Variants in EPHX4 observed in about 807,000 individuals in gnomAD.
EPHX4 encodes abhydrolase domain containing 7.
EPHX4 carries 31 observed loss-of-function variants against 44.9 expected under a neutral mutation model. That is an observed-to-expected ratio of 0.69 (90% CI 0.52 to 0.93). EPHX4 has a LOEUF of 0.93. EPHX4 is among the 40% of genes least tolerant of loss of function. The pLI, the probability that EPHX4 is intolerant of heterozygous loss-of-function variation, is 0.00. For missense variants in EPHX4, 373 were observed against 438.1 expected (o/e 0.85, Z 1.33); for synonymous variants, 151 against 159.7 (o/e 0.95, Z 0.41).
intron 4 of EPHX4, among the ~76,000 whole-genome samples, chr1:92,049,660 CT>C (rs1377235551): frequency 6.6e-6 from 1 of 152,152 alleles, no homozygotes. Context: ...TAAGGAAAAT[CT>C]TTTAAACAAC....
chr1:92,032,649 A>G, intron 2 of EPHX4, 59 bp downstream of exon 2: 2 of 1,343,306 alleles, frequency 1.5e-6, no homozygotes, highest in South Asian at 2.3e-5. Flanking sequence ...TTCTCAGTTC[A>G]TTTTGTGCTG....
At chr1:92,058,881 C>G (rs1424956587) in intron 6 of EPHX4, among the ~76,000 whole-genome samples, 1 of 152,096 alleles carries the variant, frequency 6.6e-6, no homozygotes, top group East Asian at 1.9e-4. Context: ...CCATGGGAAA[C>G]TTTGGAGGGC....
In EPHX4 at chr1:92,057,604, TG is replaced by T. The variant is rs760740503; in HGVS notation, c.857+4947del. On this transcript the variant is annotated intron_variant, in intron 6 of 6. Transcript: ENST00000370383. Reference sequence around the variant, plus strand: ...GCCTAGATGGTTTTACAGGTAAGTTTGTTTTTTTTTTTTGAGACGGAGTCTT... The same window carrying T: ...GCCTAGATGGTTTTACAGGTAAGTTTTTTTTTTTTTTTGAGACGGAGTCTT... Among the ~76,000 whole-genome samples the T allele has an allele frequency of 1.1e-3, 156 of 148,104 alleles. 1 individual carries two copies. The highest frequency in any genetic ancestry group is 1.8e-3 in the Non-Finnish European group (120 of 67,940).
Position 92,030,100 on chromosome 1 carries a change from C to T in EPHX4, c.21C>T (p.Cys7=), listed in dbSNP as rs1357714502. Residue 7 remains cysteine (C), a synonymous_variant, in exon 1 of 7, where the codon TGC becomes TGT. Coordinates refer to ENST00000370383, the MANE Select transcript of EPHX4 (RefSeq NM_173567.5). MARLRD[C]LPRLMLTLRS... ...TCCCAATGGCGAGGCTGCGGGATTG[C>T]CTGCCCCGCCTGATGCTCACGCTCC... 6.2e-7 allele frequency: 1 copy of T among 1,604,594 alleles called. No individual in the cohort carries two copies. The highest frequency in any genetic ancestry group is 1.7e-5 in the Admixed American group (1 of 59,230).
intron 4 of EPHX4, among the ~76,000 whole-genome samples, chr1:92,048,753 T>TC (rs1309021566): frequency 1.3e-5 from 2 of 152,088 alleles, no homozygotes; most frequent in Non-Finnish European, 2.9e-5. Context: ...TCTCATTTTG[T>TC]CCCCCATACT....
At chr1:92,054,216 G>A (rs1188451004) in intron 6 of EPHX4, among the ~76,000 whole-genome samples, 3 of 152,104 alleles carry the variant, frequency 2.0e-5, no homozygotes, top group Non-Finnish European at 4.4e-5. Context: ...CAGAAACAAA[G>A]ACAAAACTTC....
At chr1:92,044,608 T>C (rs1288643845) in intron 3 of EPHX4, among the ~76,000 whole-genome samples, 3 of 152,198 alleles carry the variant, frequency 2.0e-5, no homozygotes, top group Admixed American at 2.0e-4. Flanking sequence ...GAAATGAAAC[T>C]GGTGCAAAAT....
intron 3 of EPHX4, among the ~76,000 whole-genome samples, chr1:92,045,294 T>A (rs1241413040): frequency 6.8e-6 from 1 of 147,270 alleles, no homozygotes; most frequent in Non-Finnish European, 1.5e-5. Context: ...TATTTCAGAT[T>A]TTTTTTTTTT....
intron 6 of EPHX4, among the ~76,000 whole-genome samples, chr1:92,056,805 C>G (rs953773406): frequency 6.6e-6 from 1 of 151,948 alleles, no homozygotes; most frequent in Non-Finnish European, 1.5e-5. Context: ...AAGAATATTA[C>G]AAATATTGAT....
In EPHX4 at chr1:92,030,134, C is replaced by T. The variant is rs1333788131; in HGVS notation, c.55C>T (p.Leu19Phe). 1 of 1,612,352 alleles carries T rather than the reference C, an allele frequency of 6.2e-7. No individual in the cohort carries two copies. Among genetic ancestry groups the T allele is most frequent in the African/African-American group, 1.3e-5 (1 of 74,832 alleles). The change falls in exon 1 of 7, where the codon CTC (leucine) becomes TTC (phenylalanine). Residue 19 changes from leucine to phenylalanine, a missense_variant. Transcript: ENST00000370383. The stretch of plus-strand genomic sequence containing the variant: ...CCTGATGCTCACGCTCCGGTCCCTG[C>T]TCTTCTGGTCCCTGGTCTACTGCTA... The part of the protein sequence containing the change: ...PRLMLTLRSL[L>F]FWSLVYCYCG...
At chr1:92,054,022 G>A (rs1647309340) in intron 6 of EPHX4, among the ~76,000 whole-genome samples, 1 of 152,162 alleles carries the variant, frequency 6.6e-6, no homozygotes, top group African/African-American at 2.4e-5. Flanking sequence ...ATATTTGTCA[G>A]TTTGGGTCTG....
intron 2 of EPHX4, among the ~76,000 whole-genome samples, chr1:92,035,448 G>A (rs919686362): frequency 2.0e-5 from 3 of 152,074 alleles, no homozygotes; most frequent in Admixed American, 6.5e-5. Flanking sequence ...TCAAAATGTC[G>A]AAAATCTTTC....
At chr1:92,034,239 G>T (rs1327472444) in intron 2 of EPHX4, among the ~76,000 whole-genome samples, 1 of 145,776 alleles carries the variant, frequency 6.9e-6, no homozygotes, top group Non-Finnish European at 1.5e-5. Flanking sequence ...GGCGGAGCTT[G>T]CAGTGAGCCG....
intron 2 of EPHX4, among the ~76,000 whole-genome samples, chr1:92,036,776 G>C (rs1050746963): frequency 1.3e-5 from 2 of 152,168 alleles, no homozygotes; most frequent in African/African-American, 2.4e-5. Context: ...AAAGCTACCT[G>C]GTTGTTTAGG....
At chr1:92,049,743 C>T (rs1055785959) in intron 4 of EPHX4, among the ~76,000 whole-genome samples, 6 of 152,096 alleles carry the variant, frequency 3.9e-5, no homozygotes, top group South Asian at 2.1e-4. Flanking sequence ...GGAAAAGCAG[C>T]GTTGTTTGGG....
In EPHX4 at chr1:92,036,266, T is replaced by C. The variant is rs116285268; in HGVS notation, c.317+3676T>C. Among the ~76,000 whole-genome samples the C allele has an allele frequency of 4.3e-3, 661 of 152,306 alleles. 7 individuals carry two copies. The highest frequency in any genetic ancestry group is 0.015 in the African/African-American group (628 of 41,568). On this transcript the variant is annotated intron_variant, in intron 2 of 6. Coordinates refer to ENST00000370383, the MANE Select transcript of EPHX4 (RefSeq NM_173567.5). The stretch of plus-strand genomic sequence containing the variant: ...ATATACACAAAGATAAAAATGAACC[T>C]ACAACCACTTTCATACAGGGCAGTA...
chr1:92,057,956 A>G (rs1401060311), intron 6 of EPHX4, among the ~76,000 whole-genome samples: 1 of 152,212 alleles, frequency 6.6e-6, no homozygotes, highest in Non-Finnish European at 1.5e-5. Flanking sequence ...TTCAGATATT[A>G]TAAAAGGAAG....
intron 2 of EPHX4, among the ~76,000 whole-genome samples, chr1:92,034,329 C>T (rs1234410324): frequency 7.0e-6 from 1 of 143,172 alleles, no homozygotes; most frequent in Non-Finnish European, 1.5e-5. Context: ...AAGGGTGGTA[C>T]ATATCATGGC....
intron 6 of EPHX4, among the ~76,000 whole-genome samples, chr1:92,058,863 T>C (rs1258867393): frequency 2.6e-5 from 4 of 152,176 alleles, no homozygotes; most frequent in African/African-American, 9.7e-5. Flanking sequence ...CTCTCCACAG[T>C]TGTATTTCCA....
Sources: allele counts gnomAD v4.1 joint callset (sites outside exome capture counted in the v4.1 genomes callset), GRCh38; gene constraint gnomAD v4.1.1; transcripts MANE v1.5; gene names NCBI Gene and HGNC (gene_info 2026-07-23, HGNC 2026-07-21).